The following RFX8 variants were observed in gnomAD, a reference collection of about 807,000 sequenced individuals.
The protein encoded by RFX8 is regulatory factor X8.
In RFX8, 46 loss-of-function variants were observed where a neutral mutation model predicts 54.6. The ratio of observed to expected loss-of-function variants is 0.84; its 90% CI spans 0.67 to 1.08. The LOEUF (loss-of-function observed/expected upper bound fraction) is 1.08, where lower values mean the gene tolerates loss of function less well. Ranked by LOEUF, RFX8 falls within the 50% of genes least tolerant of loss-of-function variation. The pLI is 0.00. For missense variants in RFX8, 536 were observed against 562.3 expected, an observed-to-expected ratio of 0.95 and a Z score of 0.47; for synonymous variants, 192 against 209.5, an observed-to-expected ratio of 0.92 and a Z score of 0.72.
intron 2 of RFX8, among the ~76,000 whole-genome samples, chr2:101,464,339 G>A (rs925956922): frequency 9.2e-5 from 14 of 152,164 alleles, no homozygotes; most frequent in African/African-American, 3.1e-4. Context: ...TCAGCCTTCC[G>A]GAAATTCCCT....
intron 11 of RFX8, among the ~76,000 whole-genome samples, chr2:101,401,954 C>T (rs1217722349): frequency 3.3e-5 from 5 of 152,134 alleles, no homozygotes; most frequent in South Asian, 2.1e-4. Flanking sequence ...GGCATGGCTT[C>T]GAGATAACAT....
intron 2 of RFX8, 72 bp from the exon 3 acceptor site, chr2:101,422,544 G>A: frequency 1.2e-6 from 1 of 838,724 alleles, no homozygotes; most frequent in Non-Finnish European, 2.0e-6. Flanking sequence ...ATCTTCTTAT[G>A]ATCACACTAC....
At chr2:101,456,207 T>C (rs916788512) in intron 2 of RFX8, among the ~76,000 whole-genome samples, 1 of 152,330 alleles carries the variant, frequency 6.6e-6, no homozygotes, top group East Asian at 1.9e-4. Flanking sequence ...CCTTTATTTC[T>C]TTCTCTTGCC....
intron 1 of RFX8, among the ~76,000 whole-genome samples, chr2:101,472,203 C>A (rs548454278): frequency 6.6e-6 from 1 of 152,140 alleles, no homozygotes; most frequent in Non-Finnish European, 1.5e-5. Flanking sequence ...CAGGTTCAAG[C>A]GATTCTTCTG....
chr2:101,423,180 C>T (rs1014191186), intron 2 of RFX8, among the ~76,000 whole-genome samples: 1 of 151,450 alleles, frequency 6.6e-6, no homozygotes, highest in Admixed American at 6.6e-5. Context: ...ATTGCTTGAG[C>T]CCGGGAAATG....
intron 2 of RFX8, among the ~76,000 whole-genome samples, chr2:101,464,257 AT>A (rs1689447862): frequency 6.6e-6 from 1 of 152,172 alleles, no homozygotes; most frequent in Admixed American, 6.5e-5. Context: ...TAATTTCCAC[AT>A]TTCCTACAAA....
chr2:101,474,874 C>T lies in RFX8; in HGVS notation c.-291G>A, dbSNP rs981098465. On this transcript the variant is annotated 5_prime_UTR_variant, in exon 1 of 12. The change creates a new upstream start codon in the 5' untranslated region. Coordinates refer to ENST00000428343, the MANE Select transcript of RFX8 (RefSeq NM_001145664.2). ...ATGTGCCCGCCGTTGCTGAAAACCA[C>T]TGTCTCTAGGAGTTTTGAAAAATCT... Among the ~76,000 whole-genome samples, 4 of 151,880 alleles carry T rather than the reference C, an allele frequency of 2.6e-5. No individual in the cohort carries two copies. The highest frequency in any genetic ancestry group is 9.7e-5 in the African/African-American group (4 of 41,350).
At chr2:101,420,576 G>T (rs1249010465) in intron 4 of RFX8, among the ~76,000 whole-genome samples, 4 of 151,924 alleles carry the variant, frequency 2.6e-5, no homozygotes, top group Non-Finnish European at 5.9e-5. Context: ...CAAAAGAAAA[G>T]AAAAAAAGAA....
At chr2:101,417,746 T>C (rs1167209040) in intron 5 of RFX8, 62 bp from the exon 6 acceptor site, 2 of 1,385,576 alleles carry the variant, frequency 1.4e-6, no homozygotes, top group South Asian at 1.4e-5. Flanking sequence ...CTGAAGCTTA[T>C]GCATGCCACA....
intron 1 of RFX8, among the ~76,000 whole-genome samples, chr2:101,470,070 G>T (rs1353909835): frequency 1.3e-5 from 2 of 151,252 alleles, no homozygotes; most frequent in African/African-American, 4.9e-5. Context: ...AGTGGACTTT[G>T]TCACCCAGTA....
chr2:101,455,110 A>C lies in RFX8; in HGVS notation c.72+11667T>G, dbSNP rs1489316996. On this transcript the variant is annotated intron_variant, in intron 2 of 11. Coordinates refer to ENST00000428343, the MANE Select transcript of RFX8 (RefSeq NM_001145664.2). ...ATTGCTACCTCCGCCTCCCAGGTTC[A>C]AGCGATTCTGCTGCCTCAGCTTCCT... Among the ~76,000 whole-genome samples the C allele has an allele frequency of 4.0e-5, 6 of 151,432 alleles. No homozygotes were observed. The South Asian group carries it at 8.4e-4, about 21-fold the overall frequency.
chr2:101,466,993 G>T (rs1287750814), intron 1 of RFX8, 93 bp from the exon 2 acceptor site: 10 of 657,194 alleles, frequency 1.5e-5, no homozygotes, highest in Admixed American at 2.6e-5. Flanking sequence ...TGTGTATGAG[G>T]TTCCAATAAA....
At chr2:101,445,544 C>A (rs906795985) in intron 2 of RFX8, among the ~76,000 whole-genome samples, 2 of 151,672 alleles carry the variant, frequency 1.3e-5, no homozygotes, top group African/African-American at 4.8e-5. Flanking sequence ...AAGTGCACCA[C>A]CATGCCCAGC....
intron 2 of RFX8, among the ~76,000 whole-genome samples, chr2:101,428,433 G>A (rs564806281): frequency 6.7e-4 from 102 of 152,162 alleles, no homozygotes; most frequent in Non-Finnish European, 1.2e-3. Context: ...CGGTAACCTG[G>A]CCACGCTGGC....
At chr2:101,410,291 C>A (rs947482874) in intron 9 of RFX8, among the ~76,000 whole-genome samples, 2 of 151,976 alleles carry the variant, frequency 1.3e-5, no homozygotes, top group Non-Finnish European at 1.5e-5. Context: ...ACGCTCACCA[C>A]ACTCACATAC....
chr2:101,426,260 G>A (rs1687162052), intron 2 of RFX8, among the ~76,000 whole-genome samples: 1 of 152,062 alleles, frequency 6.6e-6, no homozygotes, highest in South Asian at 2.1e-4. Flanking sequence ...AGAACTTTTG[G>A]AGGCTGAGGC....
intron 8 of RFX8, among the ~76,000 whole-genome samples, chr2:101,411,899 C>T (rs545303301): frequency 3.9e-5 from 6 of 152,332 alleles, no homozygotes; most frequent in African/African-American, 1.4e-4. Flanking sequence ...GGCTAATTTA[C>T]AGGTGGTGCT....
intron 2 of RFX8, among the ~76,000 whole-genome samples, chr2:101,435,299 G>A (rs1473799791): frequency 1.3e-5 from 2 of 152,194 alleles, no homozygotes; most frequent in Non-Finnish European, 2.9e-5. Flanking sequence ...AAGCTGACAC[G>A]GTGAGAGAGG....
At chr2:101,446,449 C>T (rs539306881) in intron 2 of RFX8, among the ~76,000 whole-genome samples, 1 of 152,060 alleles carries the variant, frequency 6.6e-6, no homozygotes, top group East Asian at 1.9e-4. Flanking sequence ...GCTGGGATTA[C>T]AGGCCTGAGC....
Sources: gnomAD v4.1 joint callset for allele counts (sites outside exome capture counted in the v4.1 genomes callset) on GRCh38, gnomAD v4.1.1 for gene constraint, MANE v1.5 for transcripts, NCBI Gene and HGNC (gene_info 2026-07-23, HGNC 2026-07-21) for gene names.